The following PLEKHG1 variants were observed in gnomAD, a reference collection of about 807,000 sequenced individuals.
PLEKHG1 encodes pleckstrin homology domain-containing family G member 1.
PLEKHG1 carries 44 observed loss-of-function variants against 100.8 expected under a neutral mutation model. The observed-to-expected ratio is 0.44, with a 90% confidence interval of 0.34 to 0.56. PLEKHG1 has a LOEUF of 0.56. Among genes scored for constraint, PLEKHG1 ranks in the 20% least tolerant of loss-of-function variants. The pLI is 0.01. For synonymous variants in PLEKHG1, 640 were observed against 662.5 expected, an observed-to-expected ratio of 0.97 and a Z score of 0.52; for missense variants, 1,545 against 1,720.9, an observed-to-expected ratio of 0.90 and a Z score of 1.81.
chr6:150,824,864 T>C (rs1469517452), intron 14 of PLEKHG1, among the ~76,000 whole-genome samples: 1 of 152,176 alleles, frequency 6.6e-6, no homozygotes, highest in African/African-American at 2.4e-5. Flanking sequence ...TTGTCATGGC[T>C]GAGGTGTGCG....
At chr6:150,703,407 C>T (rs1780878847) in intron 3 of PLEKHG1, among the ~76,000 whole-genome samples, 1 of 152,084 alleles carries the variant, frequency 6.6e-6, no homozygotes, top group African/African-American at 2.4e-5. Context: ...TAAAGACCAG[C>T]CTGGCCAACA....
At chr6:150,603,065 G>T (rs1776422817) in intron 1 of PLEKHG1, among the ~76,000 whole-genome samples, 2 of 109,756 alleles carry the variant, frequency 1.8e-5, no homozygotes, top group Admixed American at 1.3e-4. Flanking sequence ...CTGGGCGACA[G>T]CGAGACTCCG....
At chr6:150,801,359 C>T (rs1179188781) in intron 6 of PLEKHG1, among the ~76,000 whole-genome samples, 1 of 152,038 alleles carries the variant, frequency 6.6e-6, no homozygotes, top group Non-Finnish European at 1.5e-5. Context: ...ATATTATTTT[C>T]CACTACTTTT....
At chr6:150,685,319 G>T (rs1780080679) in intron 3 of PLEKHG1, among the ~76,000 whole-genome samples, 1 of 152,136 alleles carries the variant, frequency 6.6e-6, no homozygotes, top group African/African-American at 2.4e-5. Context: ...AGGCCTCTTT[G>T]CCCTTTTCCC....
At chr6:150,643,183 C>T (rs1778344145) in intron 2 of PLEKHG1, among the ~76,000 whole-genome samples, 1 of 152,024 alleles carries the variant, frequency 6.6e-6, no homozygotes, top group Non-Finnish European at 1.5e-5. Flanking sequence ...GGTAACTATG[C>T]CAACTTTTAG....
At chr6:150,764,117 C>CTTTTTTTTTTTTTTTTTTTTTTTT (rs67507838) in intron 2 of PLEKHG1, among the ~76,000 whole-genome samples, 1 of 145,718 alleles carries the variant, frequency 6.9e-6, no homozygotes. Context: ...TTTTCTTTTT[C>CTTTTTTTTTTTTTTTTTTTTTTTT]TTTTTCTTTT....
At chr6:150,681,937 T>A (rs1040729596) in intron 3 of PLEKHG1, among the ~76,000 whole-genome samples, 2 of 152,202 alleles carry the variant, frequency 1.3e-5, no homozygotes, top group Non-Finnish European at 2.9e-5. Context: ...CACTCTGCAG[T>A]GTGCACAGAG....
At chr6:150,680,084 G>A (rs964156716) in intron 3 of PLEKHG1, among the ~76,000 whole-genome samples, 8 of 152,180 alleles carry the variant, frequency 5.3e-5, no homozygotes, top group Non-Finnish European at 8.8e-5. Context: ...AAGAGGCATG[G>A]AAGAGTTTTC....
rs576992381 is a variant in PLEKHG1, at chr6:150,604,140, T to G, written c.-204+4123T>G. On this transcript the variant is annotated intron_variant, in intron 1 of 3. Transcript: ENST00000367326. ...ATGTTTTTAAATCATCAAAGAAAAA[T>G]TTAAGATAAGCATGAGTCTAATAAC... is the stretch of plus-strand genomic sequence containing the variant. 5.3e-5 allele frequency among the ~76,000 whole-genome samples: 8 copies of G among 152,276 alleles called. No individual in the cohort carries two copies. The East Asian group carries it at 1.5e-3, about 29-fold the overall frequency.
chr6:150,695,616 C>T (rs1048204898), intron 3 of PLEKHG1, among the ~76,000 whole-genome samples: 1 of 152,152 alleles, frequency 6.6e-6, no homozygotes, highest in Non-Finnish European at 1.5e-5. Context: ...ATCTTTCAAA[C>T]GGGAACAATG....
At chr6:150,707,321 T>C (rs953159348) in intron 3 of PLEKHG1, among the ~76,000 whole-genome samples, 3 of 152,152 alleles carry the variant, frequency 2.0e-5, no homozygotes, top group Non-Finnish European at 2.9e-5. Context: ...CATTTTCATG[T>C]AGCTTACACA....
rs55740953 is a variant in PLEKHG1, at chr6:150,811,635, TA to T, written c.1278+1916del. Among the ~76,000 whole-genome samples the T allele has an allele frequency of 4.6e-3, 646 of 139,434 alleles. 2 individuals carry two copies. The highest frequency in any genetic ancestry group is 7.3e-3 in the Middle Eastern group (2 of 274). The allele number at this position is 139,434 out of a possible 152,430, so 91.5% of individuals were successfully genotyped here. On this transcript the variant is annotated intron_variant, in intron 10 of 15. Transcript: ENST00000358517. ...GGAAACCAGACCTAGAGACCTGCAT[TA>T]AAAAAAAAAAAAAAGAGAGAATGTA...
intron 1 of PLEKHG1, among the ~76,000 whole-genome samples, chr6:150,628,425 A>G (rs1437160380): frequency 6.6e-6 from 1 of 152,106 alleles, no homozygotes; most frequent in African/African-American, 2.4e-5. Flanking sequence ...CATTCCACAC[A>G]TAGGACTGCA....
Position 150,829,237 on chromosome 6 carries a change from G to T in PLEKHG1, c.1471-1345G>T, listed in dbSNP as rs1255993446. Among the ~76,000 whole-genome samples the T allele has an allele frequency of 2.6e-5, 4 of 152,182 alleles. No homozygotes were observed. In the East Asian group the frequency reaches 7.7e-4, roughly 29 times the overall value. On this transcript the variant is annotated intron_variant, in intron 14 of 15. Coordinates refer to ENST00000358517, the Ensembl canonical transcript of PLEKHG1. ...CCTGTCTGCAGAATAGAATCAGAGG[G>T]TAATCTGCTCCTGTCTGCACCACTG...
At chr6:150,633,732 G>A (rs1271508609) in intron 1 of PLEKHG1, among the ~76,000 whole-genome samples, 2 of 152,300 alleles carry the variant, frequency 1.3e-5, no homozygotes, top group South Asian at 2.1e-4. Flanking sequence ...ACTAATGGCC[G>A]AGGGGAGGAG....
intron 15 of PLEKHG1, among the ~76,000 whole-genome samples, chr6:150,833,087 G>A (rs968953017): frequency 6.7e-6 from 1 of 149,098 alleles, no homozygotes; most frequent in Non-Finnish European, 1.5e-5. Context: ...CTGTCACCCA[G>A]GCAGGAGTGC....
chr6:150,821,077 A>C, intron 12 of PLEKHG1, 118 bp from the exon 14 acceptor site: 1 of 745,988 alleles, frequency 1.3e-6, no homozygotes, highest in Non-Finnish European at 2.3e-6. Context: ...GTTAAATTTG[A>C]TACAAAAGTT....
At chr6:150,632,635 G>T (rs1336660613) in intron 1 of PLEKHG1, among the ~76,000 whole-genome samples, 1 of 152,208 alleles carries the variant, frequency 6.6e-6, no homozygotes, top group Non-Finnish European at 1.5e-5. Flanking sequence ...ATGTCCTAGG[G>T]CCATTATTCA....
chr6:150,673,760 A>T (rs1779649933), intron 3 of PLEKHG1, among the ~76,000 whole-genome samples: 2 of 152,018 alleles, frequency 1.3e-5, no homozygotes, highest in South Asian at 4.2e-4. Flanking sequence ...TCCTTGGCTG[A>T]GGTGATTCTC....
Sources: allele counts gnomAD v4.1 joint callset (sites outside exome capture counted in the v4.1 genomes callset), GRCh38; gene constraint gnomAD v4.1.1; transcripts MANE v1.5; gene names NCBI Gene and HGNC (gene_info 2026-07-23, HGNC 2026-07-21).